RABGAP1L: variants seen among roughly 807,000 people sequenced by gnomAD.
The protein encoded by RABGAP1L is rab GTPase-activating protein 1-like.
A neutral mutation model predicts 137.7 loss-of-function variants in RABGAP1L; 63 were observed. That is an observed-to-expected ratio of 0.46 (90% CI 0.37 to 0.56). The LOEUF is 0.56. Ranked by LOEUF, RABGAP1L falls within the 20% of genes least tolerant of loss-of-function variation. The pLI is 0.00. For synonymous variants in RABGAP1L, 431 were observed against 433.7 expected, an observed-to-expected ratio of 0.99 and a Z score of 0.08; for missense variants, 1,095 against 1,244.0, an observed-to-expected ratio of 0.88 and a Z score of 1.80.
At chr1:174,756,231 C>T (rs1186968587) in intron 18 of RABGAP1L, among the ~76,000 whole-genome samples, 5 of 152,166 alleles carry the variant, frequency 3.3e-5, no homozygotes, top group Non-Finnish European at 7.3e-5. Flanking sequence ...TCACTGCAAC[C>T]TCCGCCTCCT....
At chr1:174,166,630 A>G (rs1664931453) in intron 1 of RABGAP1L, among the ~76,000 whole-genome samples, 1 of 152,234 alleles carries the variant, frequency 6.6e-6, no homozygotes. Flanking sequence ...TATAAATGCC[A>G]GTAAGTTGTG....
chr1:174,203,162 A>G (rs1668251928), intron 1 of RABGAP1L, among the ~76,000 whole-genome samples: 1 of 152,112 alleles, frequency 6.6e-6, no homozygotes. Context: ...TCTTTAGTCC[A>G]TCTTGAGTTA....
At chr1:174,958,287 T>C in intron 20 of RABGAP1L, 1 of 988,138 alleles carries the variant, frequency 1.0e-6, no homozygotes, top group South Asian at 1.6e-5. Flanking sequence ...AATAATTTCA[T>C]TTTAATACGT....
At chr1:174,361,802 G>C (rs1684166199) in intron 11 of RABGAP1L, among the ~76,000 whole-genome samples, 1 of 152,044 alleles carries the variant, frequency 6.6e-6, no homozygotes. Flanking sequence ...TTTATTCTAA[G>C]TTCTGTGGTA....
intron 19 of RABGAP1L, among the ~76,000 whole-genome samples, chr1:174,832,863 T>C (rs1249683398): frequency 6.6e-6 from 1 of 152,230 alleles, no homozygotes; most frequent in Non-Finnish European, 1.5e-5. Context: ...AACTTTGTAG[T>C]GATAGCAACC....
chr1:174,707,317 G>A lies in RABGAP1L; in HGVS notation c.2169+5061G>A, dbSNP rs185019270. Among the ~76,000 whole-genome samples the A allele has an allele frequency of 3.9e-4, 59 of 152,240 alleles. 1 individual carries two copies. The highest frequency in any genetic ancestry group is 1.1e-3 in the Admixed American group (17 of 15,294). ...TACGCAACAAAATGAAACTCATTTG[G>A]TGATTGGAATGATTGACCTGATCTC... On this transcript the variant is annotated intron_variant, in intron 17 of 25. Transcript: ENST00000681986.
intron 13 of RABGAP1L, among the ~76,000 whole-genome samples, chr1:174,453,254 T>C (rs958637340): frequency 6.6e-6 from 1 of 152,234 alleles, no homozygotes; most frequent in Admixed American, 6.5e-5. Context: ...CATTTGTCTT[T>C]GCACTTTAAT....
At position 174,780,839 on chromosome 1, in the gene RABGAP1L, C is replaced by A. The variant is rs536712800; in HGVS notation, c.2211+28485C>A. On this transcript the variant is annotated intron_variant, in intron 18 of 25. Transcript: ENST00000681986. ...TGCGGTGTTTGGTTTTTTGTTCTTG[C>A]GACAGTTTGCTGAGAATGATGGTTT... Among the ~76,000 whole-genome samples the A allele has an allele frequency of 3.4e-3, 497 of 147,696 alleles. 5 individuals are homozygous for A. The highest frequency in any genetic ancestry group is 0.011 in the African/African-American group (463 of 40,474).
intron 14 of RABGAP1L, among the ~76,000 whole-genome samples, chr1:174,653,607 C>G (rs1262925696): frequency 6.6e-6 from 1 of 152,176 alleles, no homozygotes; most frequent in Non-Finnish European, 1.5e-5. Context: ...CACTGTCTAA[C>G]CAGTCTCAAT....
At chr1:174,889,234 C>T (rs1294369597) in intron 19 of RABGAP1L, among the ~76,000 whole-genome samples, 2 of 151,526 alleles carry the variant, frequency 1.3e-5, no homozygotes, top group South Asian at 4.2e-4. Flanking sequence ...AGCCATTCTT[C>T]TGCCTCAGCC....
At chr1:174,541,061 G>A (rs894365534) in intron 13 of RABGAP1L, among the ~76,000 whole-genome samples, 6 of 152,158 alleles carry the variant, frequency 3.9e-5, no homozygotes, top group African/African-American at 1.2e-4. Flanking sequence ...TAGCAATTGT[G>A]TATGGGAGTT....
At chr1:174,666,725 A>T (rs1676811471) in intron 14 of RABGAP1L, among the ~76,000 whole-genome samples, 1 of 152,164 alleles carries the variant, frequency 6.6e-6, no homozygotes, top group Non-Finnish European at 1.5e-5. Context: ...CATTCCTGGG[A>T]CAAAAGAGAA....
intron 19 of RABGAP1L, among the ~76,000 whole-genome samples, chr1:174,829,960 A>G (rs1199741958): frequency 6.7e-6 from 1 of 148,382 alleles, no homozygotes; most frequent in East Asian, 2.1e-4. Flanking sequence ...TTACAGGTTT[A>G]AAACAACAAT....
chr1:174,553,392 G>T (rs1367151609), intron 13 of RABGAP1L, among the ~76,000 whole-genome samples: 1 of 152,118 alleles, frequency 6.6e-6, no homozygotes, highest in Non-Finnish European at 1.5e-5. Flanking sequence ...TCCATCTTGA[G>T]TTGATTTTTG....
Position 174,850,243 on chromosome 1 carries a change from A to G in RABGAP1L, c.2340+38283A>G, listed in dbSNP as rs150976616. Reference sequence around the variant, plus strand: ...GTGCAGGAAACCTCCGGGGTACCCTAGAATAACTTTCTTCTACTGAGGCCT... The same window carrying G: ...GTGCAGGAAACCTCCGGGGTACCCTGGAATAACTTTCTTCTACTGAGGCCT... On this transcript the variant is annotated intron_variant, in intron 19 of 25. Coordinates refer to ENST00000681986, the MANE Select transcript of RABGAP1L (RefSeq NM_001366446.1). 8.4e-4 allele frequency: 223 copies of G among 264,896 alleles called. 1 individual carries two copies. The highest frequency in any genetic ancestry group is 4.6e-3 in the African/African-American group (208 of 44,906). The allele number at this position is 264,896 out of a possible 1,614,324, so 16.4% of individuals were successfully genotyped here. A position where few individuals can be genotyped will look rare whatever the true frequency, so the allele number is the denominator to read the frequency against.
intron 13 of RABGAP1L, among the ~76,000 whole-genome samples, chr1:174,440,909 T>C (rs1193182621): frequency 6.6e-6 from 1 of 152,148 alleles, no homozygotes; most frequent in Non-Finnish European, 1.5e-5. Context: ...TTCTCTTTGA[T>C]AGGCATTGCC....
At chr1:174,722,716 A>C (rs1365477129) in intron 17 of RABGAP1L, among the ~76,000 whole-genome samples, 2 of 151,036 alleles carry the variant, frequency 1.3e-5, no homozygotes, top group African/African-American at 2.4e-5. Flanking sequence ...CTCCCAAAGT[A>C]CTGGGATTAC....
intron 3 of RABGAP1L, among the ~76,000 whole-genome samples, chr1:174,223,264 TAAAAAAAAAAAAAAAAAA>T (rs550034492): frequency 7.5e-5 from 3 of 39,894 alleles, no homozygotes; most frequent in African/African-American, 1.8e-4. Context: ...AGACTCTGTC[TAAAAAAAAAAAAAAAAAA>T]AAAAAAAAAA....
intron 13 of RABGAP1L, among the ~76,000 whole-genome samples, chr1:174,490,499 C>A (rs1356421305): frequency 2.0e-5 from 3 of 152,120 alleles, no homozygotes; most frequent in African/African-American, 7.2e-5. Context: ...TGGTTACCAC[C>A]ACTGGGATTG....
Sources: allele counts gnomAD v4.1 joint callset (sites outside exome capture counted in the v4.1 genomes callset), GRCh38; gene constraint gnomAD v4.1.1; transcripts MANE v1.5; gene names NCBI Gene and HGNC (gene_info 2026-07-23, HGNC 2026-07-21).